The following MYO18B variants were observed in gnomAD, a reference collection of about 807,000 sequenced individuals.
MYO18B encodes unconventional myosin-XVIIIb.
Under a neutral mutation model 273.0 loss-of-function variants are expected in MYO18B, and 204 were observed. The observed-to-expected ratio is 0.75, with a 90% confidence interval of 0.67 to 0.84. The LOEUF (loss-of-function observed/expected upper bound fraction) is 0.84, where lower values mean the gene tolerates loss of function less well. Ranked by LOEUF, MYO18B falls within the 40% of genes least tolerant of loss-of-function variation. The pLI, the probability that MYO18B is intolerant of heterozygous loss-of-function variation, is 0.00. For synonymous variants in MYO18B, 1,330 were observed against 1,305.7 expected (o/e 1.02, Z -0.40); for missense variants, 3,212 against 3,287.6 (o/e 0.98, Z 0.56).
intron 12 of MYO18B, among the ~76,000 whole-genome samples, chr22:25,816,315 T>C (rs2089002079): frequency 6.6e-6 from 1 of 152,340 alleles, no homozygotes; most frequent in Middle Eastern, 3.4e-3. Context: ...TTGCCTGTTA[T>C]GCATCCTGCC....
chr22:25,917,793 C>T (rs927371479), intron 33 of MYO18B, among the ~76,000 whole-genome samples: 1 of 152,042 alleles, frequency 6.6e-6, no homozygotes, highest in Non-Finnish European at 1.5e-5. Flanking sequence ...TTTCTATGTT[C>T]TCTTTTGACC....
At chr22:25,761,218 G>A (rs2086302563) in intron 2 of MYO18B, 87 bp downstream of exon 2, 2 of 1,462,686 alleles carry the variant, frequency 1.4e-6, no homozygotes, top group East Asian at 2.3e-5. Context: ...CCCACCTTGA[G>A]TGGGGAGTCT....
the MYO18B span, among the ~76,000 whole-genome samples, chr22:26,041,761 G>T: frequency 6.6e-6 from 1 of 152,164 alleles, no homozygotes; most frequent in East Asian, 1.9e-4. Flanking sequence ...AGCAGTGCAG[G>T]CATGAGAAGG....
chr22:26,043,516 T>G, the MYO18B span, among the ~76,000 whole-genome samples: 1 of 148,682 alleles, frequency 6.7e-6, no homozygotes, highest in Non-Finnish European at 1.5e-5. Flanking sequence ...TCTTTCTTTT[T>G]TTTTTTTTTT....
intron 34 of MYO18B, among the ~76,000 whole-genome samples, chr22:25,936,790 T>G (rs749628431): frequency 6.6e-6 from 1 of 152,118 alleles, no homozygotes; most frequent in Non-Finnish European, 1.5e-5. Flanking sequence ...CTTCTCTCTG[T>G]GTCCTCACAT....
chr22:25,959,283 T>A (rs2092890761), intron 39 of MYO18B: 1 of 150,016 alleles, frequency 6.7e-6, no homozygotes, highest in South Asian at 2.1e-4. Context: ...TTTTTTTTTT[T>A]TTTTTTAAAT....
In MYO18B at chr22:25,890,948, C is replaced by T. The variant is rs996603886; in HGVS notation, c.4434+73C>T. The T allele has an allele frequency of 3.9e-6, 6 of 1,542,414 alleles. No individual in the cohort carries two copies. In the African/African-American group the frequency reaches 5.4e-5, roughly 14 times the overall value. On this transcript the variant is annotated intron_variant, in intron 26 of 43. Coordinates refer to ENST00000335473, the MANE Select transcript of MYO18B (RefSeq NM_032608.7). ...ATGGTTGGGTCTGCTCCCCGACCCT[C>T]TCATTGGAGATCAGTAAGCTTAAGC...
intron 39 of MYO18B, among the ~76,000 whole-genome samples, chr22:25,986,718 A>C (rs918509410): frequency 6.6e-6 from 1 of 152,120 alleles, no homozygotes; most frequent in African/African-American, 2.4e-5. Context: ...GCAAAATTCA[A>C]CTCCATTCGA....
intron 12 of MYO18B, among the ~76,000 whole-genome samples, chr22:25,807,385 C>T (rs1288791466): frequency 6.6e-6 from 1 of 152,218 alleles, no homozygotes; most frequent in Admixed American, 6.5e-5. Flanking sequence ...TACAGTGCTG[C>T]TGAAGGAATC....
rs141008979 is a variant in MYO18B, at chr22:25,825,120, T to C, written c.2696-1289T>C. Among the ~76,000 whole-genome samples, 498 of 151,962 alleles carry C rather than the reference T, an allele frequency of 3.3e-3. 4 individuals carry two copies. The Middle Eastern group carries it at 0.034, about 10-fold the overall frequency. On this transcript the variant is annotated intron_variant, in intron 13 of 43. Coordinates refer to ENST00000335473, the MANE Select transcript of MYO18B (RefSeq NM_032608.7). ...ACAGGCACAAACACCACACACATAC[T>C]TAAGGATGGGTGCATCACACACAGG...
chr22:26,044,843 A>G, the MYO18B span, among the ~76,000 whole-genome samples: 20 of 152,320 alleles, frequency 1.3e-4, no homozygotes, highest in East Asian at 2.1e-3. Flanking sequence ...TTCAAGTATA[A>G]GGAGAAGAGG....
At chr22:25,949,271 A>G (rs1393717878) in intron 36 of MYO18B, among the ~76,000 whole-genome samples, 1 of 152,216 alleles carries the variant, frequency 6.6e-6, no homozygotes, top group African/African-American at 2.4e-5. Context: ...GGAGGTGCTC[A>G]GTAAATCACT....
rs140354421 is a variant in MYO18B, at chr22:25,896,660, G to A, written c.4668+1380G>A. 1.5e-3 allele frequency: 228 copies of A among 151,990 alleles called. 2 individuals carry two copies. The highest frequency in any genetic ancestry group is 5.4e-3 in the African/African-American group (225 of 41,444). 9.4% of individuals were successfully genotyped at this position (151,990 alleles called of 1,614,324 possible). ...TCTAGATGAATGTACAGATAGTTTGGTCTCTCTGCTTGTCTTCTGTGGCCT... is the reference window on the plus strand; with the variant it reads ...TCTAGATGAATGTACAGATAGTTTGATCTCTCTGCTTGTCTTCTGTGGCCT... On this transcript the variant is annotated intron_variant, in intron 28 of 43. Coordinates refer to ENST00000335473, the MANE Select transcript of MYO18B (RefSeq NM_032608.7).
chr22:25,928,356 C>T (rs541419487), intron 34 of MYO18B, among the ~76,000 whole-genome samples: 8 of 149,618 alleles, frequency 5.3e-5, no homozygotes, highest in Admixed American at 2.0e-4. Context: ...TTTCTCTGAG[C>T]CCAGGAGTTT....
chr22:25,901,659 A>G (rs2091937755), intron 29 of MYO18B: 1 of 152,188 alleles, frequency 6.6e-6, no homozygotes, highest in Non-Finnish European at 1.5e-5. Flanking sequence ...ACAATATGTT[A>G]AAATATGAAA....
At chr22:25,992,607 C>T (rs548428214) in intron 40 of MYO18B, 114 bp downstream of exon 40, 16 of 1,416,320 alleles carry the variant, frequency 1.1e-5, no homozygotes, top group Middle Eastern at 2.3e-4. Flanking sequence ...CAAAGATGTT[C>T]GGGGGCTGGA....
chr22:25,987,794 T>C (rs1569267256), intron 39 of MYO18B, among the ~76,000 whole-genome samples: 1 of 152,232 alleles, frequency 6.6e-6, no homozygotes, highest in Admixed American at 6.5e-5. Flanking sequence ...GAATATATAA[T>C]ATATACCAGG....
At chr22:25,790,639 G>A (rs897098468) in intron 11 of MYO18B, among the ~76,000 whole-genome samples, 3 of 152,190 alleles carry the variant, frequency 2.0e-5, no homozygotes, top group Non-Finnish European at 4.4e-5. Context: ...GTAAATAAAT[G>A]AACGAGCATG....
chr22:25,762,506 C>T (rs115499983), intron 2 of MYO18B, among the ~76,000 whole-genome samples: 229 of 152,398 alleles, frequency 1.5e-3, no homozygotes, highest in African/African-American at 4.9e-3. Context: ...GCCTCCAAGT[C>T]GCTGTAGCCA....
Sources: allele counts gnomAD v4.1 joint callset (sites outside exome capture counted in the v4.1 genomes callset), GRCh38; gene constraint gnomAD v4.1.1; transcripts MANE v1.5; gene names NCBI Gene and HGNC (gene_info 2026-07-23, HGNC 2026-07-21).